The following PALLD variants were observed in gnomAD, a reference collection of about 807,000 sequenced individuals.
The protein encoded by PALLD is palladin, cytoskeletal associated protein.
In PALLD, 61 loss-of-function variants were observed where a neutral mutation model predicts 123.5. The ratio of observed to expected loss-of-function variants is 0.49; its 90% confidence interval spans 0.40 to 0.61. The LOEUF (loss-of-function observed/expected upper bound fraction) is 0.61. PALLD is among the 20% of genes least tolerant of loss of function. PALLD has a pLI of 0.00. For synonymous variants in PALLD, 465 were observed against 496.4 expected, an observed-to-expected ratio of 0.94 and a Z score of 0.84; for missense variants, 1,273 against 1,377.0, an observed-to-expected ratio of 0.92 and a Z score of 1.20.
intron 10 of PALLD, among the ~76,000 whole-genome samples, chr4:168,834,728 C>A (rs1744876286): frequency 6.6e-6 from 1 of 152,030 alleles, no homozygotes; most frequent in Non-Finnish European, 1.5e-5. Context: ...CAGAGCGAGA[C>A]TCCATCTAAA....
At chr4:168,707,801 A>G (rs1459004556) in intron 8 of PALLD, among the ~76,000 whole-genome samples, 1 of 152,242 alleles carries the variant, frequency 6.6e-6, no homozygotes, top group Admixed American at 6.5e-5. Context: ...TGAATAACCA[A>G]TAGAATCACT....
chr4:168,743,403 A>C (rs927580380), intron 10 of PALLD, among the ~76,000 whole-genome samples: 1 of 152,154 alleles, frequency 6.6e-6, no homozygotes, highest in East Asian at 1.9e-4. Context: ...ATATGGTTCA[A>C]TTACTTTCGA....
intron 2 of PALLD, among the ~76,000 whole-genome samples, chr4:168,588,444 C>T (rs965973531): frequency 1.3e-5 from 2 of 151,942 alleles, no homozygotes; most frequent in Non-Finnish European, 2.9e-5. Flanking sequence ...CACTCTGTCA[C>T]CCAGGCTGGA....
At chr4:168,728,781 C>T (rs1184582918) in intron 10 of PALLD, among the ~76,000 whole-genome samples, 1 of 151,956 alleles carries the variant, frequency 6.6e-6, no homozygotes, top group South Asian at 2.1e-4. Context: ...AGTGGTAATT[C>T]GTGAGATCTT....
intron 10 of PALLD, among the ~76,000 whole-genome samples, chr4:168,879,544 T>C (rs1399631011): frequency 2.0e-5 from 3 of 152,200 alleles, no homozygotes; most frequent in Non-Finnish European, 4.4e-5. Flanking sequence ...TTATTTTCAT[T>C]CATCTATAAA....
intron 10 of PALLD, among the ~76,000 whole-genome samples, chr4:168,838,495 G>C (rs1745515231): frequency 6.6e-6 from 1 of 151,970 alleles, no homozygotes; most frequent in African/African-American, 2.4e-5. Flanking sequence ...GCAGTTTGAG[G>C]AGAGAGATGT....
intron 2 of PALLD, among the ~76,000 whole-genome samples, chr4:168,617,288 T>C (rs1774321358): frequency 6.6e-6 from 1 of 152,104 alleles, no homozygotes; most frequent in Non-Finnish European, 1.5e-5. Context: ...TGGAGTAGGG[T>C]AGACGGTATG....
At chr4:168,701,626 G>T (rs1323009555) in intron 8 of PALLD, among the ~76,000 whole-genome samples, 1 of 152,176 alleles carries the variant, frequency 6.6e-6, no homozygotes, top group African/African-American at 2.4e-5. Flanking sequence ...TTTAAATGTA[G>T]GTTTCAAGGC....
chr4:168,713,999 G>C (rs1321925536), intron 10 of PALLD, among the ~76,000 whole-genome samples: 1 of 130,246 alleles, frequency 7.7e-6, no homozygotes, highest in African/African-American at 2.9e-5. Context: ...CATATTCTTA[G>C]GGAATCACTT....
chr4:168,580,418 C>G (rs1770129652), intron 2 of PALLD, among the ~76,000 whole-genome samples: 1 of 152,012 alleles, frequency 6.6e-6, no homozygotes, highest in Non-Finnish European at 1.5e-5. Context: ...ATCAAAACCA[C>G]AGTGAGATAC....
intron 1 of PALLD, among the ~76,000 whole-genome samples, chr4:168,508,054 C>G (rs780150931): frequency 3.0e-4 from 46 of 152,180 alleles, no homozygotes; most frequent in Non-Finnish European, 5.4e-4. Flanking sequence ...TAGGTGCTAT[C>G]ACAGCACTTT....
At chr4:168,837,137 G>A (rs1377093976) in intron 10 of PALLD, among the ~76,000 whole-genome samples, 2 of 152,180 alleles carry the variant, frequency 1.3e-5, no homozygotes, top group African/African-American at 4.8e-5. Flanking sequence ...GGGGAGGGGG[G>A]ATCCTGGCAG....
rs79507202 is a variant in PALLD, at chr4:168,508,118, T to A, written c.-82-3305T>A. Among the ~76,000 whole-genome samples the A allele has an allele frequency of 2.4e-3, 373 of 152,276 alleles. 2 individuals carry two copies. Among genetic ancestry groups the A allele is most frequent in the African/African-American group, 8.4e-3 (349 of 41,562 alleles). On this transcript the variant is annotated intron_variant, in intron 1 of 21. Coordinates refer to ENST00000505667, the MANE Select transcript of PALLD (RefSeq NM_001166108.2). ...TAGCTAACAATAACATACTCTATAGTTTCAAATGGCTAGAAGGAAGATGTT... is the reference window on the plus strand; with the variant it reads ...TAGCTAACAATAACATACTCTATAGATTCAAATGGCTAGAAGGAAGATGTT...
chr4:168,739,874 C>CT (rs1451511350), intron 10 of PALLD, among the ~76,000 whole-genome samples: 1 of 152,138 alleles, frequency 6.6e-6, no homozygotes, highest in African/African-American at 2.4e-5. Context: ...TATTGCTGCT[C>CT]TAATTAGAAT....
At chr4:168,709,184 C>T (rs1438499611) in intron 9 of PALLD, 37 bp downstream of exon 9, 2 of 1,608,984 alleles carry the variant, frequency 1.2e-6, no homozygotes, top group Admixed American at 3.3e-5. Flanking sequence ...GGGTTCTGTT[C>T]CCCAGCACCA....
intron 10 of PALLD, among the ~76,000 whole-genome samples, chr4:168,791,804 T>G (rs1737564893): frequency 6.6e-6 from 1 of 152,160 alleles, no homozygotes; most frequent in African/African-American, 2.4e-5. Flanking sequence ...GAGAACAGGA[T>G]CAGGAGGTTG....
intron 2 of PALLD, among the ~76,000 whole-genome samples, chr4:168,592,380 T>C (rs186940206): frequency 6.0e-4 from 91 of 152,172 alleles, no homozygotes; most frequent in African/African-American, 1.8e-3. Flanking sequence ...AACTATATCA[T>C]AGAACATGTC....
intron 2 of PALLD, among the ~76,000 whole-genome samples, chr4:168,572,059 A>C (rs1184573591): frequency 6.6e-6 from 1 of 152,134 alleles, no homozygotes; most frequent in Admixed American, 6.6e-5. Context: ...TACCTGAAGC[A>C]CTAGAAGCTT....
At chr4:168,701,992 G>A (rs1783718316) in intron 8 of PALLD, among the ~76,000 whole-genome samples, 2 of 152,214 alleles carry the variant, frequency 1.3e-5, no homozygotes, top group African/African-American at 2.4e-5. Context: ...CTGTTCCAAT[G>A]TGTCTTATAC....
Sources: gnomAD v4.1 joint callset for allele counts (sites outside exome capture counted in the v4.1 genomes callset) on GRCh38, gnomAD v4.1.1 for gene constraint, MANE v1.5 for transcripts, NCBI Gene and HGNC (gene_info 2026-07-23, HGNC 2026-07-21) for gene names.